The following OR1B1 variants were observed in gnomAD, a reference collection of about 807,000 sequenced individuals.
OR1B1 encodes the protein olfactory receptor 1B1.
For missense variants in OR1B1, 414 were observed against 402.1 expected (o/e 1.03, Z -0.25); for synonymous variants, 168 against 156.2 (o/e 1.08, Z -0.57).
chr9:122,641,897 A>T, the OR1B1 span, among the ~76,000 whole-genome samples: 6 of 152,184 alleles, frequency 3.9e-5, no homozygotes, highest in Non-Finnish European at 5.9e-5. Context: ...TAATTTTTTT[A>T]AAAAAGATCT....
the OR1B1 span, among the ~76,000 whole-genome samples, chr9:122,654,474 T>C: frequency 6.6e-5 from 10 of 152,352 alleles, no homozygotes; most frequent in South Asian, 2.1e-3. Flanking sequence ...CCATTTCTTA[T>C]GGTTTTGACA....
the OR1B1 span, among the ~76,000 whole-genome samples, chr9:122,637,681 G>T: frequency 2.0e-5 from 3 of 152,116 alleles, no homozygotes; most frequent in East Asian, 5.8e-4. Context: ...TGCATTCTTA[G>T]TTTGCAAACA....
the OR1B1 span, among the ~76,000 whole-genome samples, chr9:122,646,412 T>C: frequency 6.6e-6 from 1 of 151,368 alleles, no homozygotes; most frequent in Admixed American, 6.6e-5. Context: ...GCTGAATGGA[T>C]GAAAAAAACA....
the OR1B1 span, among the ~76,000 whole-genome samples, chr9:122,655,167 A>AAAAC: frequency 6.6e-6 from 1 of 152,158 alleles, no homozygotes; most frequent in African/African-American, 2.4e-5. Context: ...TCAAAGCACT[A>AAAAC]AAACAACTTT....
chr9:122,642,879 C>T, the OR1B1 span, among the ~76,000 whole-genome samples: 60 of 152,284 alleles, frequency 3.9e-4, no homozygotes, highest in African/African-American at 1.1e-3. Context: ...CATCTCTGAC[C>T]TCTAGTCTAC....
the OR1B1 span, among the ~76,000 whole-genome samples, chr9:122,653,778 A>T: frequency 1.3e-5 from 2 of 152,180 alleles, no homozygotes; most frequent in African/African-American, 4.8e-5. Flanking sequence ...TAAGGATATT[A>T]TTCAACCTGC....
chr9:122,630,879 T>G (rs1830196841), upstream of OR1B1, among the ~76,000 whole-genome samples: 1 of 152,096 alleles, frequency 6.6e-6, no homozygotes, highest in Admixed American at 6.5e-5. Context: ...AGTTCATTTT[T>G]GTATTTTTAG....
the OR1B1 span, among the ~76,000 whole-genome samples, chr9:122,644,058 C>T: frequency 8.5e-5 from 13 of 152,128 alleles, no homozygotes; most frequent in African/African-American, 2.7e-4. Context: ...AAAGGCTCCA[C>T]CTGTTTGAGA....
the OR1B1 span, among the ~76,000 whole-genome samples, chr9:122,644,710 G>A: frequency 6.6e-6 from 1 of 152,204 alleles, no homozygotes; most frequent in East Asian, 1.9e-4. Flanking sequence ...GAGAATTCTT[G>A]CAGCTATTTT....
the OR1B1 span, among the ~76,000 whole-genome samples, chr9:122,657,411 G>A: frequency 6.6e-6 from 1 of 152,272 alleles, no homozygotes; most frequent in East Asian, 1.9e-4. Flanking sequence ...TTCAAGACAA[G>A]ATGTCTGACG....
At chr9:122,642,770 A>G in the OR1B1 span, among the ~76,000 whole-genome samples, 1 of 152,160 alleles carries the variant, frequency 6.6e-6, no homozygotes, top group Non-Finnish European at 1.5e-5. Flanking sequence ...TAATAAGTAA[A>G]TCATGATGTA....
upstream of OR1B1, among the ~76,000 whole-genome samples, chr9:122,633,937 G>A (rs1365361714): frequency 6.6e-6 from 1 of 150,968 alleles, no homozygotes; most frequent in South Asian, 2.1e-4. Flanking sequence ...TCAAAAAAAG[G>A]GTGGGGTGGG....
chr9:122,631,850 A>G (rs1423315475), upstream of OR1B1, among the ~76,000 whole-genome samples: 1 of 152,224 alleles, frequency 6.6e-6, no homozygotes, highest in African/African-American at 2.4e-5. Context: ...ATGAAAATTC[A>G]GATCGCTCAG....
chr9:122,645,002 A>G, the OR1B1 span, among the ~76,000 whole-genome samples: 1 of 152,268 alleles, frequency 6.6e-6, no homozygotes, highest in Non-Finnish European at 1.5e-5. Context: ...AAAGAATTCA[A>G]AATAGCTGTT....
At chr9:122,644,369 T>A in the OR1B1 span, among the ~76,000 whole-genome samples, 2 of 152,238 alleles carry the variant, frequency 1.3e-5, no homozygotes, top group African/African-American at 4.8e-5. Flanking sequence ...AAGAAGTTCC[T>A]CTGCCTGCCA....
chr9:122,629,520 G>A (rs1588242057), exon 1 of OR1B1: 1 of 1,602,178 alleles, frequency 6.2e-7, no homozygotes, highest in Non-Finnish European at 8.5e-7. Flanking sequence ...GAAGCATTAG[G>A]GGCAAAGCTC....
the OR1B1 span, among the ~76,000 whole-genome samples, chr9:122,647,777 C>CATG: frequency 0.022 from 3,384 of 152,256 alleles, 129 homozygotes; most frequent in African/African-American, 0.078. Context: ...TAAATTCACA[C>CATG]CTGTACCCAC....
upstream of OR1B1, among the ~76,000 whole-genome samples, chr9:122,632,948 G>C (rs1830219998): frequency 6.6e-6 from 1 of 152,122 alleles, no homozygotes; most frequent in Non-Finnish European, 1.5e-5. Flanking sequence ...CACAATCATG[G>C]CAGAAGTTGA....
chr9:122,642,359 G>A, the OR1B1 span, among the ~76,000 whole-genome samples: 1 of 152,090 alleles, frequency 6.6e-6, no homozygotes, highest in Non-Finnish European at 1.5e-5. Flanking sequence ...AAGAAAGGAC[G>A]GCTGTGACTC....
Sources: allele counts gnomAD v4.1 joint callset (sites outside exome capture counted in the v4.1 genomes callset), GRCh38; gene constraint gnomAD v4.1.1; transcripts MANE v1.5; gene names NCBI Gene and HGNC (gene_info 2026-07-23, HGNC 2026-07-21).